Variants in GREB1L observed in about 807,000 individuals in gnomAD.
GREB1L encodes the protein GREB1-like protein.
Under a neutral mutation model 200.8 loss-of-function variants are expected in GREB1L, and 17 were observed. That is an observed-to-expected ratio of 0.08 (90% confidence interval 0.06 to 0.13). The LOEUF is 0.13. GREB1L is among the 10% of genes least tolerant of loss of function. GREB1L has a pLI of 1.00. For missense variants in GREB1L, 1,657 were observed against 2,367.7 expected, an observed-to-expected ratio of 0.70 and a Z score of 6.23; for synonymous variants, 789 against 893.0, an observed-to-expected ratio of 0.88 and a Z score of 2.08.
intron 17 of GREB1L, among the ~76,000 whole-genome samples, chr18:21,482,753 G>A (rs879468713): frequency 6.6e-5 from 10 of 151,154 alleles, no homozygotes; most frequent in African/African-American, 2.2e-4. Flanking sequence ...GAGACCAAGG[G>A]CCAACAAGTC....
intron 1 of GREB1L, among the ~76,000 whole-genome samples, chr18:21,303,442 C>T (rs2038650790): frequency 6.6e-6 from 1 of 152,120 alleles, no homozygotes; most frequent in South Asian, 2.1e-4. Context: ...TTTGGGAGAA[C>T]TAAACTATTA....
rs180728907 is a variant in GREB1L, at chr18:21,344,354, T to C, written c.-119-21673T>C. Among the ~76,000 whole-genome samples, 180 of 152,054 alleles carry C rather than the reference T, an allele frequency of 1.2e-3. 1 individual carries two copies. The highest frequency in any genetic ancestry group is 3.9e-3 in the Admixed American group (60 of 15,262). ...AGGTGGAGGTTGCAGTAAGCCGAGATTGTGTCACTGCACTCCAGCCTGGGC... is the reference window on the plus strand; with the variant it reads ...AGGTGGAGGTTGCAGTAAGCCGAGACTGTGTCACTGCACTCCAGCCTGGGC... On this transcript the variant is annotated intron_variant, in intron 1 of 32. Transcript: ENST00000424526.
chr18:21,403,844 A>C (rs2041418258), intron 6 of GREB1L, 28 bp from the exon 7 acceptor site: 2 of 1,543,426 alleles, frequency 1.3e-6, no homozygotes, highest in East Asian at 4.9e-5. Flanking sequence ...TGGTCACTTC[A>C]TACAATGTGA....
intron 7 of GREB1L, among the ~76,000 whole-genome samples, chr18:21,414,008 A>G (rs2144745391): frequency 6.6e-6 from 1 of 152,356 alleles, no homozygotes; most frequent in Middle Eastern, 3.4e-3. Context: ...GCAGTTTGGC[A>G]ATATGTAACA....
chr18:21,266,205 T>G (rs1249502827), intron 1 of GREB1L, among the ~76,000 whole-genome samples: 1 of 152,188 alleles, frequency 6.6e-6, no homozygotes, highest in Non-Finnish European at 1.5e-5. Context: ...GGCTGTATCC[T>G]CAGCTGGTTA....
chr18:21,443,486 C>T (rs947521919), intron 10 of GREB1L, among the ~76,000 whole-genome samples: 1 of 152,228 alleles, frequency 6.6e-6, no homozygotes, highest in African/African-American at 2.4e-5. Context: ...GGATTATAGG[C>T]GTGAGCCACC....
At position 21,280,355 on chromosome 18, in the gene GREB1L, A is replaced by G. The variant is rs373508312; in HGVS notation, c.-120+37962A>G. ...CTTAGCAATATACATTTAAGGTTCT[A>G]CCATGTCTTTTTGTGGCTTAATATC... On this transcript the variant is annotated intron_variant, in intron 1 of 32. Coordinates refer to ENST00000424526, the MANE Select transcript of GREB1L (RefSeq NM_001142966.3). 1.0e-4 allele frequency among the ~76,000 whole-genome samples: 15 copies of G among 148,576 alleles called. No individual in the cohort carries two copies. In the East Asian group the frequency reaches 2.9e-3, roughly 29 times the overall value.
intron 1 of GREB1L, among the ~76,000 whole-genome samples, chr18:21,310,147 A>G (rs1172503644): frequency 6.6e-6 from 1 of 152,228 alleles, no homozygotes; most frequent in Non-Finnish European, 1.5e-5. Context: ...AGGCAACCAT[A>G]CTAGACAGTG....
intron 7 of GREB1L, among the ~76,000 whole-genome samples, chr18:21,430,213 G>A (rs536607585): frequency 4.6e-5 from 7 of 152,182 alleles, no homozygotes; most frequent in African/African-American, 1.2e-4. Flanking sequence ...TATGGATTGC[G>A]GGGAGACAAT....
intron 1 of GREB1L, among the ~76,000 whole-genome samples, chr18:21,313,281 A>G (rs2038820331): frequency 6.6e-6 from 1 of 152,202 alleles, no homozygotes; most frequent in Admixed American, 6.5e-5. Context: ...GTAGGCAACT[A>G]TGTCTACTTC....
chr18:21,514,988 C>T (rs1568077648), intron 28 of GREB1L, among the ~76,000 whole-genome samples: 1 of 152,206 alleles, frequency 6.6e-6, no homozygotes, highest in Non-Finnish European at 1.5e-5. Context: ...GCCAGCTGAC[C>T]TTTAAGCCCC....
intron 15 of GREB1L, among the ~76,000 whole-genome samples, chr18:21,469,054 G>A (rs1364620111): frequency 6.6e-6 from 1 of 152,142 alleles, no homozygotes; most frequent in Non-Finnish European, 1.5e-5. Context: ...TTTCTTCTTT[G>A]GAAGTGATTT....
At chr18:21,485,313 G>T in intron 17 of GREB1L, 1 of 227,026 alleles carries the variant, frequency 4.4e-6, no homozygotes, top group South Asian at 1.0e-4. Context: ...GAAAAAGGCT[G>T]AGAATTGAGG....
At chr18:21,395,906 T>G (rs1179905491) in intron 5 of GREB1L, among the ~76,000 whole-genome samples, 1 of 151,320 alleles carries the variant, frequency 6.6e-6, no homozygotes, top group Non-Finnish European at 1.5e-5. Flanking sequence ...ATTTTTGTGT[T>G]TTTAGTAGAG....
intron 1 of GREB1L, among the ~76,000 whole-genome samples, chr18:21,265,727 T>G (rs1170486298): frequency 1.3e-5 from 2 of 152,186 alleles, no homozygotes; most frequent in Admixed American, 1.3e-4. Context: ...CTCGCCATGA[T>G]GTTGACTCAA....
chr18:21,326,465 C>T (rs895614902), intron 1 of GREB1L, among the ~76,000 whole-genome samples: 22 of 152,324 alleles, frequency 1.4e-4, no homozygotes, highest in Admixed American at 2.6e-4. Context: ...AACATTCCTA[C>T]AGACACCGAT....
At chr18:21,298,153 C>T (rs927712535) in intron 1 of GREB1L, among the ~76,000 whole-genome samples, 2 of 152,114 alleles carry the variant, frequency 1.3e-5, no homozygotes, top group African/African-American at 4.8e-5. Flanking sequence ...ATTGGTATGT[C>T]AAACTGATTT....
At chr18:21,516,040 G>A (rs951423699) in intron 29 of GREB1L, among the ~76,000 whole-genome samples, 14 of 151,392 alleles carry the variant, frequency 9.2e-5, no homozygotes, top group African/African-American at 3.4e-4. Context: ...GACTCAGAAG[G>A]AAATCAATTT....
At chr18:21,515,181 G>A (rs1414689049) in intron 28 of GREB1L, among the ~76,000 whole-genome samples, 5 of 152,166 alleles carry the variant, frequency 3.3e-5, no homozygotes, top group Admixed American at 1.3e-4. Flanking sequence ...GACACAGGCC[G>A]GATTTCTTTC....
Sources: gnomAD v4.1 joint callset for allele counts (sites outside exome capture counted in the v4.1 genomes callset) on GRCh38, gnomAD v4.1.1 for gene constraint, MANE v1.5 for transcripts, NCBI Gene and HGNC (gene_info 2026-07-23, HGNC 2026-07-21) for gene names.